KDM8: variants seen among roughly 807,000 people sequenced by gnomAD.
KDM8 encodes the protein bifunctional peptidase and arginyl-hydroxylase JMJD5.
In KDM8, 35 loss-of-function variants were observed where a neutral mutation model predicts 46.9. The ratio of observed to expected loss-of-function variants is 0.75; its 90% confidence interval spans 0.57 to 0.99. The LOEUF (loss-of-function observed/expected upper bound fraction) is 0.99, where lower values mean the gene tolerates loss of function less well. Among genes scored for constraint, KDM8 ranks in the 50% least tolerant of loss-of-function variants. The pLI is 0.00. For missense variants in KDM8, 475 were observed against 537.0 expected, an observed-to-expected ratio of 0.88 and a Z score of 1.14; for synonymous variants, 232 against 227.7, an observed-to-expected ratio of 1.02 and a Z score of -0.17.
In KDM8 at chr16:27,214,908, G is replaced by A. The variant is rs149415969; in HGVS notation, c.698G>A (p.Arg233Gln). Residue 233 changes from arginine to glutamine, a missense_variant, in exon 4 of 8, where the codon CGA becomes CAA. Coordinates refer to ENST00000286096, the MANE Select transcript of KDM8 (RefSeq NM_024773.3). ...TATATCCAGGAGATCGCTGGCTGCC[G>A]AACTGTCCCAGTGGAAGTTGGTTCG... ...LEYIQEIAGC[R>Q]TVPVEVGSRY... 35 of 1,613,996 alleles carry A rather than the reference G, an allele frequency of 2.2e-5. No individual in the cohort carries two copies. Among genetic ancestry groups the A allele is most frequent in the Non-Finnish European group, 2.5e-5 (29 of 1,180,016 alleles).
rs150252517 is a variant in KDM8, at chr16:27,220,584, G to T, written c.1105G>T (p.Asp369Tyr). 980 of 1,614,098 alleles carry T rather than the reference G, an allele frequency of 6.1e-4. 5 individuals carry two copies. In the Middle Eastern group the frequency reaches 9.1e-3, roughly 15 times the overall value. ...TCTTCAGGTTGACGTGGAGAATCCCGACCTGGAAAAGTTCCCCAAGTTTGC... is the reference window on the plus strand; with the variant it reads ...TCTTCAGGTTGACGTGGAGAATCCCTACCTGGAAAAGTTCCCCAAGTTTGC... ...NTSQVDVENP[D>Y]LEKFPKFAKA... Residue 369 changes from aspartate to tyrosine, a missense_variant, in exon 8 of 8, where the codon GAC becomes TAC. By Grantham distance (160) the Asp-to-Tyr change is radical. Transcript: ENST00000286096.
chr16:27,209,739 C>T (rs1219083518), intron 1 of KDM8, among the ~76,000 whole-genome samples: 1 of 152,216 alleles, frequency 6.6e-6, no homozygotes, highest in Non-Finnish European at 1.5e-5. Context: ...ACACAGAACA[C>T]TGTTGGAGAG....
In KDM8 at chr16:27,220,458, C is replaced by T. The variant is rs1165317163; in HGVS notation, c.1059C>T (p.Asp353=). 3 of 1,614,044 alleles carry T rather than the reference C, an allele frequency of 1.9e-6. No homozygotes were observed. The highest frequency in any genetic ancestry group is 2.7e-5 in the African/African-American group (2 of 74,926). ...PQESGALYPH[D]THLLHNTSQV... ...AGTCAGGGGCTCTGTACCCTCATGA[C>T]ACGCACCTTCTCCATAACACGAGCC... The change falls in exon 7 of 8, where the codon GAC becomes GAT. Residue 353 remains aspartate, a synonymous_variant. Transcript: ENST00000286096.
intron 5 of KDM8, 137 bp downstream of exon 5, chr16:27,216,126 T>A: frequency 1.1e-6 from 1 of 912,980 alleles, no homozygotes; most frequent in Non-Finnish European, 1.7e-6. Flanking sequence ...TGACAGGACG[T>A]GGGTGATGAG....
chr16:27,216,717 G>A (rs530963776), intron 5 of KDM8, among the ~76,000 whole-genome samples: 6 of 152,282 alleles, frequency 3.9e-5, no homozygotes, highest in Middle Eastern at 3.4e-3. Context: ...ATTAAAGGAC[G>A]CTGGCGGTTT....
chr16:27,209,738 A>G (rs1271557708), intron 1 of KDM8, among the ~76,000 whole-genome samples: 1 of 152,212 alleles, frequency 6.6e-6, no homozygotes, highest in East Asian at 1.9e-4. Flanking sequence ...AACACAGAAC[A>G]CTGTTGGAGA....
intron 2 of KDM8, chr16:27,211,077 C>T: frequency 4.4e-6 from 2 of 452,734 alleles, no homozygotes; most frequent in South Asian, 3.2e-5. Flanking sequence ...CCGTGCTCAG[C>T]CCCCATTGAC....
At chr16:27,217,760 G>A (rs951252948) in intron 5 of KDM8, among the ~76,000 whole-genome samples, 9 of 152,200 alleles carry the variant, frequency 5.9e-5, no homozygotes, top group Non-Finnish European at 1.0e-4. Flanking sequence ...GGTGCCTTCA[G>A]GCTGCGGAGC....
At position 27,210,581 on chromosome 16, in the gene KDM8, G is replaced by C. The variant is rs765907950; in HGVS notation, c.458G>C (p.Arg153Thr). 8 of 1,517,098 alleles carry C rather than the reference G, an allele frequency of 5.3e-6. No individual in the cohort carries two copies. The Middle Eastern group carries it at 5.4e-4, about 102-fold the overall frequency. The allele number at this position is 1,517,098 out of a possible 1,614,324, so 94.0% of individuals were successfully genotyped here. A position where few individuals can be genotyped will look rare whatever the true frequency, so the allele number is the denominator to read the frequency against. ...CTCCAGACACACCTCCCTGGAAAGA[G>C]GCCTGCCCGTGGCTCCCTCCCAGAG... ...AILQTHLPGK[R>T]PARGSLPEQP... is the part of the protein sequence containing the mutation. The change falls in exon 2 of 8, where the codon AGG becomes ACG. Residue 153 changes from arginine (R) to threonine (T), a missense_variant. Arg to Thr is a moderately conservative substitution (Grantham distance 71, BLOSUM62 -1). Coordinates refer to ENST00000286096, the MANE Select transcript of KDM8 (RefSeq NM_024773.3).
At chr16:27,213,879 G>A in intron 3 of KDM8, 128 bp downstream of exon 3, 1 of 874,050 alleles carries the variant, frequency 1.1e-6, no homozygotes, top group Non-Finnish European at 1.7e-6. Context: ...GCCCTTGACT[G>A]ATTGCCAAGG....
At chr16:27,204,081 C>G (rs1277971228) in intron 1 of KDM8, 3 of 1,547,570 alleles carry the variant, frequency 1.9e-6, no homozygotes, top group Admixed American at 2.0e-5. Flanking sequence ...ATTCCGCCGT[C>G]AGGTCCCAAA....
At chr16:27,218,301 A>G (rs991416273) in intron 5 of KDM8, among the ~76,000 whole-genome samples, 7 of 151,970 alleles carry the variant, frequency 4.6e-5, no homozygotes, top group African/African-American at 1.5e-4. Flanking sequence ...ATTACAATAA[A>G]TAAATAAAGG....
chr16:27,205,553 T>G (rs2083419940), intron 1 of KDM8, among the ~76,000 whole-genome samples: 2 of 152,176 alleles, frequency 1.3e-5, no homozygotes, highest in Admixed American at 6.5e-5. Context: ...AAATAAAGCC[T>G]TCTCTGGGCC....
chr16:27,212,394 C>A (rs778833969), intron 2 of KDM8, among the ~76,000 whole-genome samples: 1 of 152,154 alleles, frequency 6.6e-6, no homozygotes. Context: ...TTTTTACAGA[C>A]AGGGTCTTGC....
chr16:27,217,501 G>A (rs2083568546), intron 5 of KDM8, among the ~76,000 whole-genome samples: 1 of 152,172 alleles, frequency 6.6e-6, no homozygotes, highest in African/African-American at 2.4e-5. Flanking sequence ...GTTACCTTTG[G>A]GAGGAACCCC....
chr16:27,209,665 C>T (rs979321557), intron 1 of KDM8, among the ~76,000 whole-genome samples: 6 of 152,168 alleles, frequency 3.9e-5, no homozygotes, highest in African/African-American at 7.2e-5. Context: ...GATAGACACA[C>T]GTGTAAGCAG....
intron 1 of KDM8, chr16:27,206,355 C>T (rs545282569): frequency 4.2e-6 from 1 of 239,522 alleles, no homozygotes; most frequent in Admixed American, 6.5e-5. Flanking sequence ...TCACCCCAAC[C>T]TCTGCCTCCC....
At chr16:27,218,940 T>G (rs75521851) in intron 5 of KDM8, 21 bp from the exon 6 acceptor site, 13 of 1,613,798 alleles carry the variant, frequency 8.1e-6, no homozygotes, top group Non-Finnish European at 1.1e-5. Flanking sequence ...CCACATCTCA[T>G]GTCTGCTCTG....
At chr16:27,217,753 G>A (rs973337746) in intron 5 of KDM8, among the ~76,000 whole-genome samples, 2 of 152,218 alleles carry the variant, frequency 1.3e-5, no homozygotes, top group African/African-American at 4.8e-5. Flanking sequence ...ACCTGCAGGT[G>A]CCTTCAGGCT....
Sources: gnomAD v4.1 joint callset for allele counts (sites outside exome capture counted in the v4.1 genomes callset) on GRCh38, gnomAD v4.1.1 for gene constraint, MANE v1.5 for transcripts, NCBI Gene and HGNC (gene_info 2026-07-23, HGNC 2026-07-21) for gene names.